SIM2: variants seen among roughly 807,000 people sequenced by gnomAD.
SIM2 encodes the protein single-minded homolog 2.
In SIM2, 28 loss-of-function variants were observed where a neutral mutation model predicts 64.8. The observed-to-expected ratio is 0.43, with a 90% CI of 0.32 to 0.59. The LOEUF is 0.59. Among genes scored for constraint, SIM2 ranks in the 20% least tolerant of loss-of-function variants. SIM2 has a pLI of 0.07. For missense variants in SIM2, 847 were observed against 871.4 expected (o/e 0.97, Z 0.35); for synonymous variants, 408 against 391.1 (o/e 1.04, Z -0.51).
At chr21:36,706,300 C>T (rs1165995275) in intron 1 of SIM2, among the ~76,000 whole-genome samples, 1 of 152,200 alleles carries the variant, frequency 6.6e-6, no homozygotes, top group Non-Finnish European at 1.5e-5. Flanking sequence ...TCCCTGACTT[C>T]CAACAGCACA....
chr21:36,744,434 AAAAC>A (rs1291769274), intron 9 of SIM2, among the ~76,000 whole-genome samples: 1 of 147,916 alleles, frequency 6.8e-6, no homozygotes, highest in Non-Finnish European at 1.5e-5. Flanking sequence ...GAAAGAAAGA[AAAAC>A]AAAGAAAGAA....
Position 36,744,754 on chromosome 21 carries a change from A to G in SIM2, c.1194A>G (p.Lys398=). ...PQQYSSFQMD[K]LECGQLGNWR... ...AATACAGCTCGTTCCAAATGGACAAACTGGAATGCGGCCAGCTCGGAAACT... is the reference window on the plus strand; with the variant it reads ...AATACAGCTCGTTCCAAATGGACAAGCTGGAATGCGGCCAGCTCGGAAACT... The change falls in exon 10 of 11, where the codon AAA becomes AAG. Residue 398 remains lysine (K), a synonymous_variant. Transcript: ENST00000290399. 6.2e-7 allele frequency: 1 copy of G among 1,609,410 alleles called. No individual in the cohort carries two copies. Among genetic ancestry groups the G allele is most frequent in the Non-Finnish European group, 8.5e-7 (1 of 1,177,848 alleles).
intron 1 of SIM2, among the ~76,000 whole-genome samples, chr21:36,708,073 G>T (rs2088613977): frequency 6.6e-6 from 1 of 151,828 alleles, no homozygotes; most frequent in Non-Finnish European, 1.5e-5. Flanking sequence ...GGGAGACGCC[G>T]GGCGCGTTGT....
Position 36,699,780 on chromosome 21 carries a change from A to T in SIM2, c.34A>T (p.Arg12Trp), listed in dbSNP as rs2088458074. The T allele has an allele frequency of 1.2e-6, 2 of 1,612,882 alleles. No individual in the cohort carries two copies. The highest frequency in any genetic ancestry group is 2.7e-5 in the African/African-American group (2 of 74,840). Reference protein sequence around the residue: ...KEKSKNAAKTRREKENGEFYE... With the variant: ...KEKSKNAAKTWREKENGEFYE... ...GAAGTCCAAGAATGCGGCCAAGACC[A>T]GGAGGGAGAAGGAAAATGGCGAGTT... Residue 12 changes from arginine to tryptophan, a missense_variant, in exon 1 of 11, where the codon AGG becomes TGG. This residue lies in a region of SIM2 where 397 missense variants were observed against 439.2 expected (regional missense o/e 0.90). Coordinates refer to ENST00000290399, the MANE Select transcript of SIM2 (RefSeq NM_005069.6). This position sits in a 1 kb window ranked among gnomAD's most constrained non-coding sequence, Gnocchi z 5.6.
intron 5 of SIM2, among the ~76,000 whole-genome samples, chr21:36,723,890 C>G (rs2088856358): frequency 6.6e-6 from 1 of 152,208 alleles, no homozygotes; most frequent in South Asian, 2.1e-4. Flanking sequence ...CTGAGTGCCC[C>G]CCGCCAACAC....
intron 8 of SIM2, among the ~76,000 whole-genome samples, chr21:36,743,150 A>G (rs2089185594): frequency 6.6e-6 from 1 of 152,096 alleles, no homozygotes; most frequent in African/African-American, 2.4e-5. Flanking sequence ...TTGGGGTTTT[A>G]TTGGACTGGA....
At chr21:36,741,669 G>A (rs772327630) in intron 7 of SIM2, 48 bp from the exon 8 acceptor site, 1 of 1,601,116 alleles carries the variant, frequency 6.2e-7, no homozygotes, top group Non-Finnish European at 8.5e-7. Flanking sequence ...CATCCCAGAG[G>A]TGGGGCCTGC....
intron 5 of SIM2, among the ~76,000 whole-genome samples, chr21:36,725,615 A>G (rs2088879639): frequency 6.6e-6 from 1 of 152,020 alleles, no homozygotes; most frequent in Non-Finnish European, 1.5e-5. Flanking sequence ...CAACCCTTAT[A>G]TTTTATTATG....
chr21:36,717,267 A>G (rs959261967), intron 3 of SIM2, among the ~76,000 whole-genome samples: 25 of 152,236 alleles, frequency 1.6e-4, no homozygotes, highest in African/African-American at 5.8e-4. Flanking sequence ...CCGAAAACAC[A>G]TCAGTTACTT....
intron 1 of SIM2, among the ~76,000 whole-genome samples, chr21:36,705,466 G>T (rs2088567572): frequency 6.6e-6 from 1 of 152,220 alleles, no homozygotes; most frequent in Admixed American, 6.5e-5. Context: ...GAGGCCGCAG[G>T]CAGGGAAGGG....
In SIM2 at chr21:36,719,682, G is replaced by A. The variant is rs557215986; in HGVS notation, c.349-139G>A. The A allele has an allele frequency of 9.8e-5, 62 of 630,336 alleles. 1 individual carries two copies. Among genetic ancestry groups the A allele is most frequent in the South Asian group, 4.6e-4 (25 of 54,684 alleles). The allele number at this position is 630,336 out of a possible 1,614,324, so 39.0% of individuals were successfully genotyped here. ...GTTGAGAAAAGAAAACTGTTTCTGC[G>A]TTTGGCAAAGGTGTGGGTTGTCAGC... On this transcript the variant is annotated intron_variant, in intron 3 of 10. Coordinates refer to ENST00000290399, the MANE Select transcript of SIM2 (RefSeq NM_005069.6).
chr21:36,734,786 T>C (rs981982981), intron 7 of SIM2, among the ~76,000 whole-genome samples: 2 of 152,196 alleles, frequency 1.3e-5, no homozygotes, highest in African/African-American at 2.4e-5. Context: ...GTCGGGGTCT[T>C]CATGGTATGG....
intron 7 of SIM2, among the ~76,000 whole-genome samples, chr21:36,733,051 A>G (rs1349044041): frequency 6.6e-6 from 1 of 152,138 alleles, no homozygotes; most frequent in Non-Finnish European, 1.5e-5. Context: ...CAGCTGTTCT[A>G]AGGGAAAGCC....
chr21:36,730,965 A>T, intron 6 of SIM2, 80 bp from the exon 7 acceptor site: 1 of 959,566 alleles, frequency 1.0e-6, no homozygotes, highest in Non-Finnish European at 1.7e-6. Flanking sequence ...GCACTTGATT[A>T]GTTGGCAAAA....
At chr21:36,719,277 G>A (rs572691807) in intron 3 of SIM2, among the ~76,000 whole-genome samples, 7 of 152,394 alleles carry the variant, frequency 4.6e-5, no homozygotes, top group South Asian at 2.1e-4. Context: ...GCTCAGAGTC[G>A]ACGAAGAAAG....
intron 5 of SIM2, among the ~76,000 whole-genome samples, chr21:36,725,320 G>T (rs2088876113): frequency 6.6e-6 from 1 of 152,150 alleles, no homozygotes; most frequent in South Asian, 2.1e-4. Context: ...CTGCACTCCA[G>T]CCTGAATGAC....
intron 7 of SIM2, among the ~76,000 whole-genome samples, chr21:36,733,857 G>C (rs2089008923): frequency 6.6e-6 from 1 of 152,214 alleles, no homozygotes; most frequent in African/African-American, 2.4e-5. Flanking sequence ...CACCATGCCC[G>C]GCCCGAAGCA....
chr21:36,724,055 G>A (rs1024456446), intron 5 of SIM2, among the ~76,000 whole-genome samples: 1 of 152,250 alleles, frequency 6.6e-6, no homozygotes, highest in African/African-American at 2.4e-5. Context: ...AAAGAAGGGA[G>A]GAGGATGGGG....
Position 36,747,747 on chromosome 21 carries a change from C to A in SIM2, c.1659C>A (p.Pro553=). ...GCTGCGGCCACTACCGCGAGGAGCC[C>A]GCGCTGGGCCCGGCCAAAGCCGCCC... The part of the protein sequence containing the change: ...FPSCGHYREE[P]ALGPAKAARQ... The change falls in exon 11 of 11, where the codon CCC becomes CCA. Residue 553 remains proline, a synonymous_variant. Coordinates refer to ENST00000290399, the MANE Select transcript of SIM2 (RefSeq NM_005069.6). The surrounding 1 kb of genome is among the most constrained non-coding windows in gnomAD (Gnocchi z 4.5). 5 of 1,202,838 alleles carry A rather than the reference C, an allele frequency of 4.2e-6. No individual in the cohort carries two copies. The highest frequency in any genetic ancestry group is 4.1e-6 in the Non-Finnish European group (4 of 969,778). 74.5% of individuals were successfully genotyped at this position (1,202,838 alleles called of 1,614,324 possible).
Sources: gnomAD v4.1 joint callset for allele counts (sites outside exome capture counted in the v4.1 genomes callset) on GRCh38, gnomAD v4.1.1 for gene constraint, gnomAD v4.1.1 regional missense constraint, Gnocchi (gnomAD v3.1) non-coding constraint, MANE v1.5 for transcripts, NCBI Gene and HGNC (gene_info 2026-07-23, HGNC 2026-07-21) for gene names.